FOXP1: variants seen among roughly 807,000 people sequenced by gnomAD.
The protein encoded by FOXP1 is forkhead box P1.
FOXP1 carries 15 observed loss-of-function variants against 98.2 expected under a neutral mutation model. That is an observed-to-expected ratio of 0.15 (90% confidence interval 0.10 to 0.24). The LOEUF (loss-of-function observed/expected upper bound fraction) is 0.24. Ranked by LOEUF, FOXP1 falls within the 10% of genes least tolerant of loss-of-function variation. FOXP1 has a pLI of 1.00. For missense variants in FOXP1, 633 were observed against 848.5 expected, an observed-to-expected ratio of 0.75 and a Z score of 3.15; for synonymous variants, 371 against 314.5, an observed-to-expected ratio of 1.18 and a Z score of -1.90.
At chr3:71,161,498 C>G (rs564150960) in intron 6 of FOXP1, among the ~76,000 whole-genome samples, 21 of 152,350 alleles carry the variant, frequency 1.4e-4, no homozygotes, top group Non-Finnish European at 2.8e-4. Context: ...AGGCTTGGAA[C>G]TGGCACAGTG....
At chr3:71,581,321 T>C in intron 2 of FOXP1, 1 of 985,358 alleles carries the variant, frequency 1.0e-6, no homozygotes, top group Non-Finnish European at 1.2e-6. Flanking sequence ...TAAACTTTGA[T>C]CTCCAGATTT....
Position 71,032,965 on chromosome 3 carries a change from T to G in FOXP1, c.869+8363A>C, listed in dbSNP as rs182900783. ...TTCTGTCTAATTTAAGTGGTGAAGGTGTGCAATTCAACAACAACTTTTTAT... is the reference window on the plus strand; with the variant it reads ...TTCTGTCTAATTTAAGTGGTGAAGGGGTGCAATTCAACAACAACTTTTTAT... On this transcript the variant is annotated intron_variant, in intron 11 of 20. Transcript: ENST00000649528. Among the ~76,000 whole-genome samples the G allele has an allele frequency of 1.2e-3, 180 of 152,252 alleles. 1 individual carries two copies. Among genetic ancestry groups the G allele is most frequent in the African/African-American group, 4.3e-3 (179 of 41,552 alleles).
At chr3:71,488,346 C>G (rs899171931) in intron 3 of FOXP1, among the ~76,000 whole-genome samples, 1 of 152,094 alleles carries the variant, frequency 6.6e-6, no homozygotes, top group Non-Finnish European at 1.5e-5. Flanking sequence ...ACAGTTCTGT[C>G]TGAAGAACTT....
intron 6 of FOXP1, among the ~76,000 whole-genome samples, chr3:71,114,782 G>T (rs1559958801): frequency 6.6e-6 from 1 of 152,188 alleles, no homozygotes; most frequent in African/African-American, 2.4e-5. Flanking sequence ...AAGCCAAGAC[G>T]CCTGGGAGAG....
At chr3:71,395,902 T>C (rs1345854558) in intron 3 of FOXP1, among the ~76,000 whole-genome samples, 1 of 152,132 alleles carries the variant, frequency 6.6e-6, no homozygotes, top group Non-Finnish European at 1.5e-5. Flanking sequence ...TTGGCTATAT[T>C]AAAATATATT....
At chr3:71,207,864 T>C (rs1245208471) in intron 5 of FOXP1, among the ~76,000 whole-genome samples, 1 of 152,212 alleles carries the variant, frequency 6.6e-6, no homozygotes, top group East Asian at 1.9e-4. Flanking sequence ...ACAAGCGTCA[T>C]GTGCACACAC....
chr3:71,087,298 T>C (rs1322599681), intron 7 of FOXP1, among the ~76,000 whole-genome samples: 2 of 152,234 alleles, frequency 1.3e-5, no homozygotes, highest in African/African-American at 4.8e-5. Context: ...GACATCATTT[T>C]GTGTCTTGCT....
chr3:71,259,991 C>A (rs2107168194), intron 5 of FOXP1, among the ~76,000 whole-genome samples: 1 of 152,254 alleles, frequency 6.6e-6, no homozygotes, highest in African/African-American at 2.4e-5. Flanking sequence ...ACTTTCTTTT[C>A]TTTTCTATTT....
chr3:70,979,521 G>C (rs984632796), intron 14 of FOXP1, among the ~76,000 whole-genome samples: 21 of 152,060 alleles, frequency 1.4e-4, no homozygotes, highest in African/African-American at 4.8e-4. Flanking sequence ...CAGATACACA[G>C]ACCCACCCTA....
chr3:71,314,641 A>T (rs149473627), intron 4 of FOXP1, among the ~76,000 whole-genome samples: 50 of 152,146 alleles, frequency 3.3e-4, no homozygotes, highest in Admixed American at 1.6e-3. Flanking sequence ...CTAAAATAAA[A>T]TCAAAGTACT....
intron 6 of FOXP1, among the ~76,000 whole-genome samples, chr3:71,182,597 T>G (rs1227441578): frequency 1.3e-5 from 2 of 149,980 alleles, no homozygotes; most frequent in Non-Finnish European, 3.0e-5. Flanking sequence ...TCACCAGTCA[T>G]GGCTCACTGC....
chr3:71,302,291 C>T (rs570822195), intron 4 of FOXP1, among the ~76,000 whole-genome samples: 10 of 152,162 alleles, frequency 6.6e-5, no homozygotes, highest in South Asian at 2.1e-4. Flanking sequence ...TACTGGGGCC[C>T]GAGTCTGCCT....
intron 8 of FOXP1, among the ~76,000 whole-genome samples, chr3:71,053,236 G>T (rs551328915): frequency 2.0e-5 from 3 of 151,956 alleles, no homozygotes; most frequent in African/African-American, 4.8e-5. Flanking sequence ...TATGTTTAAA[G>T]AAAAAAAATC....
chr3:71,448,761 T>C (rs1025085406), intron 3 of FOXP1, among the ~76,000 whole-genome samples: 8 of 152,224 alleles, frequency 5.3e-5, no homozygotes, highest in African/African-American at 1.9e-4. Context: ...AAGATGCCTA[T>C]TCCAAACTTC....
chr3:71,521,545 GGA>G (rs2042990562), intron 2 of FOXP1, among the ~76,000 whole-genome samples: 1 of 151,572 alleles, frequency 6.6e-6, no homozygotes, highest in African/African-American at 2.4e-5. Context: ...AAGGGCAGGG[GGA>G]GGGGGGGGAC....
At chr3:71,470,057 A>C (rs1346873306) in intron 3 of FOXP1, among the ~76,000 whole-genome samples, 1 of 151,854 alleles carries the variant, frequency 6.6e-6, no homozygotes, top group Non-Finnish European at 1.5e-5. Flanking sequence ...ATAAAATAAA[A>C]TATTAATAAA....
intron 3 of FOXP1, among the ~76,000 whole-genome samples, chr3:71,409,644 A>G (rs898053456): frequency 4.0e-4 from 61 of 152,304 alleles, no homozygotes; most frequent in African/African-American, 1.4e-3. Flanking sequence ...AGAAAATTTA[A>G]AACAAAAAAC....
At chr3:71,460,912 G>C (rs1026023094) in intron 3 of FOXP1, among the ~76,000 whole-genome samples, 1 of 152,154 alleles carries the variant, frequency 6.6e-6, no homozygotes, top group Non-Finnish European at 1.5e-5. Context: ...TCCCTTCTTA[G>C]AACTGTCTGA....
At chr3:71,303,569 T>C (rs982336427) in intron 4 of FOXP1, among the ~76,000 whole-genome samples, 2 of 152,192 alleles carry the variant, frequency 1.3e-5, no homozygotes, top group Non-Finnish European at 1.5e-5. Context: ...TATCTTGTTT[T>C]TCAATGACTT....
Sources: gnomAD v4.1 joint callset for allele counts (sites outside exome capture counted in the v4.1 genomes callset) on GRCh38, gnomAD v4.1.1 for gene constraint, MANE v1.5 for transcripts, NCBI Gene and HGNC (gene_info 2026-07-23, HGNC 2026-07-21) for gene names.